The following TM7SF3 variants were observed in gnomAD, a reference collection of about 807,000 sequenced individuals.
TM7SF3 encodes the protein transmembrane 7 superfamily member 3.
A neutral mutation model predicts 65.5 loss-of-function variants in TM7SF3; 60 were observed. The observed-to-expected ratio is 0.92, with a 90% CI of 0.74 to 1.14. The LOEUF is 1.14. Ranked by LOEUF, TM7SF3 falls within the 50% of genes most tolerant of loss-of-function variation. The pLI is 0.00. For missense variants in TM7SF3, 623 were observed against 684.8 expected (o/e 0.91, Z 1.01); for synonymous variants, 264 against 259.6 (o/e 1.02, Z -0.16).
intron 1 of TM7SF3, chr12:27,013,102 G>C (rs1941312949): frequency 5.9e-6 from 1 of 168,624 alleles, no homozygotes; most frequent in Non-Finnish European, 1.3e-5. Context: ...AATTTGAAGT[G>C]GCAATAGAAC....
chr12:27,011,593 T>C (rs1941245905), intron 1 of TM7SF3, among the ~76,000 whole-genome samples: 1 of 152,262 alleles, frequency 6.6e-6, no homozygotes, highest in Admixed American at 6.5e-5. Context: ...TTCTTCAGTT[T>C]GTATGGTTAT....
intron 1 of TM7SF3, among the ~76,000 whole-genome samples, chr12:27,005,209 C>T (rs900961435): frequency 2.0e-5 from 3 of 152,218 alleles, no homozygotes; most frequent in African/African-American, 7.2e-5. Context: ...TTGGCAGTAT[C>T]AGTCTGCTTT....
At chr12:27,005,761 G>A (rs1941007434) in intron 1 of TM7SF3, among the ~76,000 whole-genome samples, 1 of 152,048 alleles carries the variant, frequency 6.6e-6, no homozygotes, top group South Asian at 2.1e-4. Flanking sequence ...AAATAAGTAG[G>A]GGGGTATTAA....
At chr12:26,993,117 G>A (rs1269445034) in intron 5 of TM7SF3, among the ~76,000 whole-genome samples, 2 of 151,642 alleles carry the variant, frequency 1.3e-5, no homozygotes, top group Non-Finnish European at 2.9e-5. Context: ...CGTTGCCCAG[G>A]CTGGTCTCAA....
intron 9 of TM7SF3, 162 bp downstream of exon 9, chr12:26,979,622 A>T: frequency 1.4e-6 from 1 of 701,548 alleles, no homozygotes; most frequent in Non-Finnish European, 2.4e-6. Flanking sequence ...AGGGACTTTT[A>T]CTAGTCCTGG....
chr12:26,980,498 G>C lies in TM7SF3; in HGVS notation c.1036+68C>G, dbSNP rs1183123135. 9 of 825,910 alleles carry C rather than the reference G, an allele frequency of 1.1e-5. No individual in the cohort carries two copies. In the East Asian group the frequency reaches 1.2e-4, roughly 11 times the overall value. 51.2% of individuals were successfully genotyped at this position (825,910 alleles called of 1,614,324 possible). ...CACAATATAGGCCAAACTGTAGAAGGAAAGGTGAAGTAAAACACAGCACCT... is the reference window on the plus strand; with the variant it reads ...CACAATATAGGCCAAACTGTAGAAGCAAAGGTGAAGTAAAACACAGCACCT... On this transcript the variant is annotated intron_variant, in intron 8 of 11. Coordinates refer to ENST00000343028, the MANE Select transcript of TM7SF3 (RefSeq NM_016551.3).
intron 1 of TM7SF3, among the ~76,000 whole-genome samples, chr12:27,011,018 G>C (rs569145306): frequency 6.6e-6 from 1 of 152,212 alleles, no homozygotes. Context: ...ATCCATCATA[G>C]CCTAGTCTTC....
intron 8 of TM7SF3, 128 bp from the exon 9 acceptor site, chr12:26,980,064 T>A: frequency 8.9e-7 from 1 of 1,122,006 alleles, no homozygotes; most frequent in Non-Finnish European, 1.3e-6. Context: ...GGCTCTTCAG[T>A]GGTGCCATGA....
At chr12:27,007,793 G>A (rs1319783532) in intron 1 of TM7SF3, among the ~76,000 whole-genome samples, 1 of 152,152 alleles carries the variant, frequency 6.6e-6, no homozygotes, top group African/African-American at 2.4e-5. Context: ...CAAACACTAG[G>A]AATTTATTTG....
intron 5 of TM7SF3, 64 bp downstream of exon 5, chr12:26,995,173 C>A: frequency 1.3e-6 from 2 of 1,499,358 alleles, no homozygotes; most frequent in Non-Finnish European, 1.8e-6. Context: ...GGTAGCTTCT[C>A]CCCTTCTCAA....
At chr12:26,999,392 T>C (rs2136433046) in intron 3 of TM7SF3, 134 bp downstream of exon 3, 2 of 904,506 alleles carry the variant, frequency 2.2e-6, no homozygotes, top group East Asian at 5.7e-5. Flanking sequence ...CGAGACTCCA[T>C]CTCAAAAAAA....
At chr12:27,012,349 T>C (rs531787652) in intron 1 of TM7SF3, among the ~76,000 whole-genome samples, 82 of 152,012 alleles carry the variant, frequency 5.4e-4, no homozygotes, top group Non-Finnish European at 9.4e-4. Flanking sequence ...AGTGCCCTAT[T>C]ATAAGCAAGG....
intron 1 of TM7SF3, chr12:27,013,087 A>G (rs28474751): frequency 5.9e-6 from 1 of 169,070 alleles, no homozygotes; most frequent in East Asian, 1.8e-4. Context: ...TGGCTCCCAC[A>G]GGTGAATTTG....
At chr12:26,976,232 T>C in intron 10 of TM7SF3, 28 bp downstream of exon 10, 1 of 1,490,976 alleles carries the variant, frequency 6.7e-7, no homozygotes, top group Non-Finnish European at 9.4e-7. Flanking sequence ...ACATAATCAA[T>C]AAATCTAACT....
chr12:27,012,925 G>C, intron 1 of TM7SF3: 1 of 340,978 alleles, frequency 2.9e-6, no homozygotes, highest in Non-Finnish European at 5.7e-6. Context: ...TTGAACCCGG[G>C]TGTCGGAGGT....
At chr12:27,009,629 C>T (rs1941172353) in intron 1 of TM7SF3, among the ~76,000 whole-genome samples, 1 of 151,998 alleles carries the variant, frequency 6.6e-6, no homozygotes, top group Non-Finnish European at 1.5e-5. Context: ...AACTCTTGGC[C>T]CCAAGAGATC....
At position 26,994,672 on chromosome 12, in the gene TM7SF3, C is replaced by G. The variant is rs116797477; in HGVS notation, c.690+565G>C. 6.6e-3 allele frequency among the ~76,000 whole-genome samples: 1,002 copies of G among 152,282 alleles called. 14 individuals carry two copies. The highest frequency in any genetic ancestry group is 0.022 in the African/African-American group (917 of 41,546). ...AGAATCACCTGAGGGATATAAAATGCAAATTCTGATTCAGTAGTTCCAGGG... is the reference window on the plus strand; with the variant it reads ...AGAATCACCTGAGGGATATAAAATGGAAATTCTGATTCAGTAGTTCCAGGG... On this transcript the variant is annotated intron_variant, in intron 5 of 11. Coordinates refer to ENST00000343028, the MANE Select transcript of TM7SF3 (RefSeq NM_016551.3).
chr12:27,006,321 T>G (rs1941035283), intron 1 of TM7SF3, among the ~76,000 whole-genome samples: 1 of 151,648 alleles, frequency 6.6e-6, no homozygotes, highest in African/African-American at 2.4e-5. Flanking sequence ...GTATTTTTAG[T>G]AGGGACTGGG....
chr12:27,013,027 C>A (rs982999797), intron 1 of TM7SF3: 1 of 226,064 alleles, frequency 4.4e-6, no homozygotes, highest in Non-Finnish European at 8.8e-6. Flanking sequence ...CACCTGAAAT[C>A]ATCAAAAATG....
Sources: allele counts gnomAD v4.1 joint callset (sites outside exome capture counted in the v4.1 genomes callset), GRCh38; gene constraint gnomAD v4.1.1; transcripts MANE v1.5; gene names NCBI Gene and HGNC (gene_info 2026-07-23, HGNC 2026-07-21).